STAG1: variants seen among roughly 807,000 people sequenced by gnomAD.
STAG1 encodes the protein cohesin subunit SA-1.
In STAG1, 26 loss-of-function variants were observed where a neutral mutation model predicts 170.9. The observed-to-expected ratio is 0.15, with a 90% confidence interval of 0.11 to 0.21. The LOEUF (loss-of-function observed/expected upper bound fraction) is 0.21. Ranked by LOEUF, STAG1 falls within the 10% of genes least tolerant of loss-of-function variation. The pLI is 1.00. For synonymous variants in STAG1, 514 were observed against 497.7 expected (o/e 1.03, Z -0.44); for missense variants, 964 against 1,509.5 (o/e 0.64, Z 5.99).
intron 6 of STAG1, among the ~76,000 whole-genome samples, chr3:136,530,843 C>T (rs897431515): frequency 2.0e-5 from 3 of 152,172 alleles, no homozygotes; most frequent in African/African-American, 7.2e-5. Flanking sequence ...CAGCAGCGCA[C>T]ACCTGTAATC....
intron 5 of STAG1, among the ~76,000 whole-genome samples, chr3:136,549,657 CG>C (rs1936305265): frequency 3.8e-5 from 3 of 78,182 alleles, no homozygotes; most frequent in Non-Finnish European, 5.8e-5. Flanking sequence ...TCACTTCTTC[CG>C]TTTTTTTTTT....
chr3:136,390,771 A>C (rs1263152830), intron 22 of STAG1, among the ~76,000 whole-genome samples: 1 of 152,206 alleles, frequency 6.6e-6, no homozygotes, highest in Admixed American at 6.5e-5. Context: ...TATTACAGGA[A>C]TTCCGGGCCA....
intron 1 of STAG1, among the ~76,000 whole-genome samples, chr3:136,717,415 G>C (rs1172049559): frequency 6.6e-6 from 1 of 152,192 alleles, no homozygotes; most frequent in East Asian, 1.9e-4. Context: ...TGTAATCCCA[G>C]CACTTTGGGA....
chr3:136,634,304 C>A (rs1465673588), intron 1 of STAG1, among the ~76,000 whole-genome samples: 2 of 151,720 alleles, frequency 1.3e-5, no homozygotes, highest in Admixed American at 1.3e-4. Flanking sequence ...CTACAGTGAG[C>A]CATGACTGGG....
intron 21 of STAG1, among the ~76,000 whole-genome samples, chr3:136,407,728 T>C (rs2087521926): frequency 6.6e-6 from 1 of 151,920 alleles, no homozygotes; most frequent in African/African-American, 2.4e-5. Context: ...TCCCAAAGTG[T>C]TGGGATTACA....
At chr3:136,492,992 A>C (rs1287100285) in intron 9 of STAG1, among the ~76,000 whole-genome samples, 1 of 152,212 alleles carries the variant, frequency 6.6e-6, no homozygotes, top group East Asian at 1.9e-4. Context: ...TTTAGAGCTT[A>C]TAAGGGGAGT....
At chr3:136,417,218 A>G (rs1211415730) in intron 21 of STAG1, among the ~76,000 whole-genome samples, 1 of 152,202 alleles carries the variant, frequency 6.6e-6, no homozygotes, top group East Asian at 1.9e-4. Flanking sequence ...GTAATAAGGT[A>G]TCATCTAAGC....
Position 136,422,970 on chromosome 3 carries a change from A to C in STAG1, c.1725T>G (p.Leu575=). The change falls in exon 17 of 34, where the codon CTT becomes CTG. Residue 575 remains leucine, a synonymous_variant. Coordinates refer to ENST00000383202, the MANE Select transcript of STAG1 (RefSeq NM_005862.3). ...NKLTEHFIIT[L]PMLLSKYSAD... ...ACTGTACCTTTGACAGTAACATAGGAAGTGTAATAATAAAATGTTCAGTCA... is the reference window on the plus strand; with the variant it reads ...ACTGTACCTTTGACAGTAACATAGGCAGTGTAATAATAAAATGTTCAGTCA... 1 of 1,606,878 alleles carries C rather than the reference A, an allele frequency of 6.2e-7. No homozygotes were observed. The highest frequency in any genetic ancestry group is 8.5e-7 in the Non-Finnish European group (1 of 1,176,134).
chr3:136,743,368 C>G (rs1311165570), intron 1 of STAG1, among the ~76,000 whole-genome samples: 1 of 124,850 alleles, frequency 8.0e-6, no homozygotes, highest in African/African-American at 3.1e-5. Flanking sequence ...AACTCCTTCT[C>G]AAAAAAAAAA....
chr3:136,584,372 T>C (rs1429009315), intron 4 of STAG1, among the ~76,000 whole-genome samples: 2 of 152,206 alleles, frequency 1.3e-5, no homozygotes, highest in African/African-American at 4.8e-5. Context: ...TACTTACTTT[T>C]TAGGTACTTT....
In STAG1 at chr3:136,691,684, A is replaced by G. The variant is rs540345072; in HGVS notation, c.-84+60511T>C. Among the ~76,000 whole-genome samples the G allele has an allele frequency of 2.0e-5, 3 of 152,368 alleles. No individual in the cohort carries two copies. The East Asian group carries it at 5.8e-4, about 29-fold the overall frequency. ...AAATGTAGTCTTGTTTCAAGAAATT[A>G]GATGGCCCAGATATTTAACTTGTGT... On this transcript the variant is annotated intron_variant, in intron 1 of 33. Coordinates refer to ENST00000383202, the MANE Select transcript of STAG1 (RefSeq NM_005862.3).
chr3:136,674,115 A>AAGGG (rs1177006448), intron 1 of STAG1, among the ~76,000 whole-genome samples: 20 of 115,738 alleles, frequency 1.7e-4, no homozygotes, highest in Non-Finnish European at 3.6e-4. Context: ...AAAAAAAAAA[A>AAGGG]AGGGAGGGAG....
At chr3:136,496,925 G>GGA (rs148759150) in intron 9 of STAG1, among the ~76,000 whole-genome samples, 5 of 150,684 alleles carry the variant, frequency 3.3e-5, no homozygotes, top group African/African-American at 9.8e-5. Context: ...AGAGAGAGAG[G>GGA]GAGAGAGAGA....
chr3:136,702,075 AAGAGAGAGAGAGAGAG>A (rs745623191), intron 1 of STAG1, among the ~76,000 whole-genome samples: 200 of 92,212 alleles, frequency 2.2e-3, no homozygotes, highest in Middle Eastern at 6.4e-3. Flanking sequence ...ACCATGCCGA[AAGAGAGAGAGAGAGAG>A]AGAGAGAGAG....
intron 9 of STAG1, among the ~76,000 whole-genome samples, chr3:136,496,672 T>A (rs1933116812): frequency 6.6e-6 from 1 of 151,896 alleles, no homozygotes; most frequent in Non-Finnish European, 1.5e-5. Flanking sequence ...TTTATAGGAG[T>A]AAATTCCCTT....
At chr3:136,727,638 T>C (rs374840148) in intron 1 of STAG1, among the ~76,000 whole-genome samples, 2 of 152,284 alleles carry the variant, frequency 1.3e-5, no homozygotes, top group South Asian at 2.1e-4. Flanking sequence ...TTTGGGTCTC[T>C]AGGAACACAA....
At chr3:136,515,558 A>G (rs1934328807) in intron 7 of STAG1, among the ~76,000 whole-genome samples, 1 of 152,242 alleles carries the variant, frequency 6.6e-6, no homozygotes, top group Admixed American at 6.5e-5. Context: ...CAGGAGTTAC[A>G]TAATTTGTCC....
At chr3:136,459,664 A>G (rs2089220775) in intron 13 of STAG1, among the ~76,000 whole-genome samples, 2 of 152,214 alleles carry the variant, frequency 1.3e-5, no homozygotes, top group Non-Finnish European at 2.9e-5. Context: ...CATATTGAGT[A>G]TCTTTTTTAA....
intron 1 of STAG1, among the ~76,000 whole-genome samples, chr3:136,711,640 T>C (rs1943385375): frequency 6.6e-6 from 1 of 152,184 alleles, no homozygotes; most frequent in Admixed American, 6.6e-5. Context: ...GCAGTGATAT[T>C]GGTACAAGGC....
Sources: gnomAD v4.1 joint callset for allele counts (sites outside exome capture counted in the v4.1 genomes callset) on GRCh38, gnomAD v4.1.1 for gene constraint, MANE v1.5 for transcripts, NCBI Gene and HGNC (gene_info 2026-07-23, HGNC 2026-07-21) for gene names.